Variants in MYO7B observed in about 807,000 individuals in gnomAD.
MYO7B encodes unconventional myosin-VIIb.
A neutral mutation model predicts 259.7 loss-of-function variants in MYO7B; 212 were observed. The observed-to-expected ratio is 0.82, with a 90% CI of 0.73 to 0.91. The LOEUF (loss-of-function observed/expected upper bound fraction) is 0.91. Ranked by LOEUF, MYO7B falls within the 40% of genes least tolerant of loss-of-function variation. The pLI, the probability that MYO7B is intolerant of heterozygous loss-of-function variation, is 0.00. For synonymous variants in MYO7B, 1,197 were observed against 1,166.4 expected (o/e 1.03, Z -0.54); for missense variants, 2,732 against 2,813.5 (o/e 0.97, Z 0.66).
intron 9 of MYO7B, among the ~76,000 whole-genome samples, chr2:127,580,417 C>A (rs1003880833): frequency 6.6e-6 from 1 of 152,252 alleles, no homozygotes; most frequent in Non-Finnish European, 1.5e-5. Context: ...TGGCTCATCT[C>A]TCCAGTGCCA....
In MYO7B at chr2:127,602,874, C is replaced by T. The variant is rs1680017406; in HGVS notation, c.2340-2970C>T. On this transcript the variant is annotated intron_variant, in intron 19 of 47. Transcript: ENST00000409816. ...AATTAGCCGGGCGTGGTGATGTGCA[C>T]CGGTAGTCCCAGCTACTCAGGAGGT... 2.6e-5 allele frequency among the ~76,000 whole-genome samples: 4 copies of T among 151,958 alleles called. No individual in the cohort carries two copies. The South Asian group carries it at 8.3e-4, about 32-fold the overall frequency.
At chr2:127,542,906 C>CACA (rs1558789018) in intron 1 of MYO7B, among the ~76,000 whole-genome samples, 2 of 152,222 alleles carry the variant, frequency 1.3e-5, no homozygotes, top group African/African-American at 4.8e-5. Flanking sequence ...TGTGCACATA[C>CACA]ACAAACATCT....
intron 10 of MYO7B, among the ~76,000 whole-genome samples, chr2:127,581,135 C>T (rs537503961): frequency 6.6e-6 from 1 of 152,302 alleles, no homozygotes; most frequent in African/African-American, 2.4e-5. Flanking sequence ...TCCCTAGGCT[C>T]CCCACTTGGA....
At chr2:127,631,859 AC>A (rs1681532329) in intron 38 of MYO7B, 106 bp downstream of exon 38, 17 of 1,402,732 alleles carry the variant, frequency 1.2e-5, no homozygotes, top group Non-Finnish European at 1.4e-5. Context: ...TGGCGGCAGA[AC>A]CCCTGCCTGG....
chr2:127,540,476 T>C (rs1455350824), intron 1 of MYO7B, among the ~76,000 whole-genome samples: 3 of 152,258 alleles, frequency 2.0e-5, no homozygotes, highest in African/African-American at 7.2e-5. Flanking sequence ...AAGTGTCTTT[T>C]TCATATAATG....
At chr2:127,537,389 T>TAGG in intron 1 of MYO7B, among the ~76,000 whole-genome samples, 1 of 152,322 alleles carries the variant, frequency 6.6e-6, no homozygotes. Flanking sequence ...TGGCCTTGTG[T>TAGG]AGGAGCTCAG....
Position 127,632,324 on chromosome 2 carries a change from T to A in MYO7B, c.5328T>A (p.His1776Gln), listed in dbSNP as rs750131281. The stretch of plus-strand genomic sequence containing the variant: ...CGCCCAGCAAGGGGCTGCTGCCCCA[T>A]GCCCAGAAGTTTATAGACACTCGGA... The part of the protein sequence containing the change: ...LFPPSKGLLP[H>Q]AQKFIDTRRG... Residue 1776 changes from histidine (H) to glutamine (Q), a missense_variant, in exon 39 of 48, where the codon CAT (histidine) becomes CAA (glutamine). Coordinates refer to ENST00000409816, the MANE Select transcript of MYO7B (RefSeq NM_001393586.1). The A allele has an allele frequency of 1.9e-6, 3 of 1,607,774 alleles. No individual in the cohort carries two copies. The highest frequency in any genetic ancestry group is 2.2e-5 in the South Asian group (2 of 90,518).
intron 19 of MYO7B, among the ~76,000 whole-genome samples, chr2:127,600,350 A>G (rs1227990139): frequency 1.3e-5 from 2 of 152,148 alleles, no homozygotes; most frequent in Non-Finnish European, 2.9e-5. Flanking sequence ...CCCCTGTGTC[A>G]TTCCTGATAT....
chr2:127,569,263 G>A (rs1678485734), intron 5 of MYO7B, among the ~76,000 whole-genome samples: 1 of 151,264 alleles, frequency 6.6e-6, no homozygotes, highest in South Asian at 2.1e-4. Flanking sequence ...TCTGGGATTT[G>A]CTTTAAAATA....
chr2:127,543,776 G>A (rs961539425), intron 1 of MYO7B, among the ~76,000 whole-genome samples: 9 of 148,426 alleles, frequency 6.1e-5, no homozygotes, highest in African/African-American at 2.3e-4. Flanking sequence ...ACCGAGTCTC[G>A]CTGTGTCACC....
At chr2:127,637,198 TTCCCTTTC>T (rs1681886877) in intron 47 of MYO7B, 110 bp from the exon 48 acceptor site, 4 of 924,594 alleles carry the variant, frequency 4.3e-6, no homozygotes, top group Non-Finnish European at 6.9e-6. Flanking sequence ...GGAGCCCGCC[TTCCCTTTC>T]TCCATGCCCT....
intron 5 of MYO7B, among the ~76,000 whole-genome samples, chr2:127,568,104 A>C (rs1208431343): frequency 6.6e-6 from 1 of 152,222 alleles, no homozygotes; most frequent in African/African-American, 2.4e-5. Context: ...ATCCTGTTCC[A>C]GTGGTACACA....
chr2:127,583,771 C>T (rs895943832), intron 12 of MYO7B, among the ~76,000 whole-genome samples: 2 of 152,172 alleles, frequency 1.3e-5, no homozygotes, highest in Non-Finnish European at 2.9e-5. Context: ...GGTAGGGCTG[C>T]TGGTGTGCAC....
rs139692749 is a variant in MYO7B at position 127,572,367 on chromosome 2, C to T, written c.593-1553C>T. ...GCAGGAGGCAAAGTTTGCAGAGAGCCGAGATCACACCACTGCACTCCAACC... is the reference window on the plus strand; with the variant it reads ...GCAGGAGGCAAAGTTTGCAGAGAGCTGAGATCACACCACTGCACTCCAACC... On this transcript the variant is annotated intron_variant, in intron 6 of 47. Coordinates refer to ENST00000409816, the MANE Select transcript of MYO7B (RefSeq NM_001393586.1). Among the ~76,000 whole-genome samples the T allele has an allele frequency of 9.8e-3, 1,428 of 145,668 alleles. 28 individuals are homozygous for T. The highest frequency in any genetic ancestry group is 0.034 in the African/African-American group (1,338 of 39,250).
intron 6 of MYO7B, among the ~76,000 whole-genome samples, 174 bp downstream of exon 6, chr2:127,570,084 A>C (rs1462599645): frequency 1.3e-5 from 2 of 152,162 alleles, no homozygotes; most frequent in Admixed American, 1.3e-4. Context: ...GCCAGGCAGC[A>C]CAAAGGGGAA....
At chr2:127,610,634 A>T (rs1409691379) in intron 24 of MYO7B, among the ~76,000 whole-genome samples, 1 of 152,232 alleles carries the variant, frequency 6.6e-6, no homozygotes, top group East Asian at 1.9e-4. Flanking sequence ...AGTGGAACTA[A>T]CCAAGAACAG....
intron 26 of MYO7B, among the ~76,000 whole-genome samples, chr2:127,616,670 G>A (rs984080781): frequency 1.3e-5 from 2 of 152,174 alleles, no homozygotes; most frequent in Non-Finnish European, 2.9e-5. Flanking sequence ...CACTCCGACT[G>A]GGAGATCCAA....
At chr2:127,538,011 C>T (rs189883236) in intron 1 of MYO7B, among the ~76,000 whole-genome samples, 31 of 152,110 alleles carry the variant, frequency 2.0e-4, no homozygotes, top group Non-Finnish European at 3.7e-4. Context: ...GGCGAGGCTG[C>T]GAAGGAAAAG....
At position 127,576,671 on chromosome 2, in the gene MYO7B, G is replaced by A. The variant is rs759487076; in HGVS notation, c.812G>A (p.Ser271Asn). The change falls in exon 8 of 48, where the codon AGC becomes AAC. Residue 271 changes from serine (S) to asparagine (N), a missense_variant. By Grantham distance (46) the Ser-to-Asn change is conservative. Around this residue, in one of 3 missense-constraint regions of MYO7B, gnomAD observed 1,906 missense variants for 2,026.4 expected, o/e 0.94. Coordinates refer to ENST00000409816, the MANE Select transcript of MYO7B (RefSeq NM_001393586.1). The surrounding 1 kb of genome is among the most constrained non-coding windows in gnomAD (Gnocchi z 4.9). ...AGTGCTGAGGACAAGCAGCTGCTGAGCCTGGGCACGCCCTCCGAGTACCAC... is the reference window on the plus strand; with the variant it reads ...AGTGCTGAGGACAAGCAGCTGCTGAACCTGGGCACGCCCTCCGAGTACCAC... ...GVSAEDKQLL[S>N]LGTPSEYHYL... is the part of the protein sequence containing the mutation. 7 of 1,611,364 alleles carry A rather than the reference G, an allele frequency of 4.3e-6. No homozygotes were observed. The highest frequency in any genetic ancestry group is 3.4e-6 in the Non-Finnish European group (4 of 1,178,046).
Sources: gnomAD v4.1 joint callset for allele counts (sites outside exome capture counted in the v4.1 genomes callset) on GRCh38, gnomAD v4.1.1 for gene constraint, gnomAD v4.1.1 regional missense constraint, Gnocchi (gnomAD v3.1) non-coding constraint, MANE v1.5 for transcripts, NCBI Gene and HGNC (gene_info 2026-07-23, HGNC 2026-07-21) for gene names.